The following SORCS2 variants were observed in gnomAD, a reference collection of about 807,000 sequenced individuals.
The protein encoded by SORCS2 is VPS10 domain-containing receptor SorCS2.
Under a neutral mutation model 141.6 loss-of-function variants are expected in SORCS2, and 100 were observed. The observed-to-expected ratio is 0.71, with a 90% CI of 0.60 to 0.83. The LOEUF (loss-of-function observed/expected upper bound fraction) is 0.83, where lower values mean the gene tolerates loss of function less well. Among genes scored for constraint, SORCS2 ranks in the 40% least tolerant of loss-of-function variants. The probability of loss-of-function intolerance (pLI) is 0.00; values close to 1 mark genes in which losing one functional copy is unlikely to be tolerated. For synonymous variants in SORCS2, 789 were observed against 676.9 expected (o/e 1.17, Z -2.57); for missense variants, 1,646 against 1,560.2 (o/e 1.05, Z -0.93).
chr4:7,627,896 C>T (rs1185495019), intron 3 of SORCS2, among the ~76,000 whole-genome samples: 1 of 152,212 alleles, frequency 6.6e-6, no homozygotes, highest in East Asian at 1.9e-4. Flanking sequence ...GTAGACACTG[C>T]AAGTATCAGG....
intron 1 of SORCS2, among the ~76,000 whole-genome samples, chr4:7,389,437 T>C (rs1723715624): frequency 6.6e-6 from 1 of 152,170 alleles, no homozygotes; most frequent in Admixed American, 6.5e-5. Context: ...TTCTTACAGA[T>C]TCCAGGGTCC....
chr4:7,726,272 G>A (rs1293342763), intron 20 of SORCS2, among the ~76,000 whole-genome samples: 1 of 152,206 alleles, frequency 6.6e-6, no homozygotes, highest in Admixed American at 6.5e-5. Context: ...ATGCCCGTGG[G>A]GGGCAGGCCT....
At position 7,510,972 on chromosome 4, in the gene SORCS2, A is replaced by G. The variant is rs369318575; in HGVS notation, c.549-20558A>G. Among the ~76,000 whole-genome samples the G allele has an allele frequency of 3.3e-5, 5 of 152,298 alleles. No homozygotes were observed. In the East Asian group the frequency reaches 7.7e-4, roughly 24 times the overall value. ...ACCTACCAGGGAGGTTCGAGGCCGG[A>G]ACTAGGTCCCCTGCTTTCCCTGTGG... On this transcript the variant is annotated intron_variant, in intron 2 of 26. Transcript: ENST00000507866.
At chr4:7,402,380 G>T (rs1268019262) in intron 2 of SORCS2, among the ~76,000 whole-genome samples, 1 of 152,174 alleles carries the variant, frequency 6.6e-6, no homozygotes, top group Admixed American at 6.5e-5. Context: ...TTGTCTGTCT[G>T]TATGTATATA....
chr4:7,650,520 G>T (rs1721368053), intron 4 of SORCS2, among the ~76,000 whole-genome samples: 1 of 152,234 alleles, frequency 6.6e-6, no homozygotes, highest in Non-Finnish European at 1.5e-5. Context: ...GCTGTGCACG[G>T]TGGGCGCTAG....
chr4:7,515,006 G>C (rs913174903), intron 2 of SORCS2, among the ~76,000 whole-genome samples: 1 of 152,182 alleles, frequency 6.6e-6, no homozygotes, highest in Non-Finnish European at 1.5e-5. Flanking sequence ...TGAAGGGCAT[G>C]GACAACCCAG....
chr4:7,500,979 C>G (rs539466104), intron 2 of SORCS2, among the ~76,000 whole-genome samples: 1 of 152,218 alleles, frequency 6.6e-6, no homozygotes, highest in South Asian at 2.1e-4. Flanking sequence ...CTCAAGCCAG[C>G]GTGGATCCAG....
intron 1 of SORCS2, among the ~76,000 whole-genome samples, chr4:7,382,447 A>G (rs2109072477): frequency 1.3e-5 from 2 of 152,240 alleles, no homozygotes; most frequent in Middle Eastern, 6.8e-3. Context: ...AGACAGCCCC[A>G]GGGCTGCACC....
intron 2 of SORCS2, among the ~76,000 whole-genome samples, chr4:7,441,427 G>T (rs1727656891): frequency 1.3e-5 from 2 of 152,088 alleles, no homozygotes; most frequent in South Asian, 4.1e-4. Context: ...GGTGAGGGTG[G>T]CTGGAGGCTG....
intron 2 of SORCS2, among the ~76,000 whole-genome samples, chr4:7,472,388 C>T (rs535159385): frequency 1.3e-5 from 2 of 152,094 alleles, no homozygotes; most frequent in African/African-American, 2.4e-5. Flanking sequence ...GCAAAGTGGA[C>T]GGCATGTTCC....
rs191601434 is a variant in SORCS2, at chr4:7,408,172, T to G, written c.548+11817T>G. On this transcript the variant is annotated intron_variant, in intron 2 of 26. Transcript: ENST00000507866. ...TGTCCCTAATTTTACCAATGGATTC[T>G]AAACCTTCAGGGTGTTTTTTATTTT... Among the ~76,000 whole-genome samples the G allele has an allele frequency of 1.6e-3, 237 of 152,168 alleles. 2 individuals carry two copies. The highest frequency in any genetic ancestry group is 2.5e-3 in the Non-Finnish European group (172 of 67,954).
intron 3 of SORCS2, among the ~76,000 whole-genome samples, chr4:7,575,971 G>A (rs1338275258): frequency 6.6e-6 from 1 of 152,136 alleles, no homozygotes; most frequent in Non-Finnish European, 1.5e-5. Context: ...TTTTTGAAAG[G>A]GTCGGTTGAT....
intron 1 of SORCS2, among the ~76,000 whole-genome samples, chr4:7,350,668 C>T (rs531880415): frequency 6.6e-6 from 1 of 152,356 alleles, no homozygotes; most frequent in Non-Finnish European, 1.5e-5. Context: ...GGGCAGTGAC[C>T]AGGCCCGTGG....
At chr4:7,642,985 C>A (rs556254992) in intron 4 of SORCS2, among the ~76,000 whole-genome samples, 92 of 152,306 alleles carry the variant, frequency 6.0e-4, no homozygotes, top group South Asian at 5.4e-3. Context: ...GGAGTGGACA[C>A]AATTGCCCTG....
intron 1 of SORCS2, among the ~76,000 whole-genome samples, chr4:7,249,690 G>A (rs780213858): frequency 2.6e-5 from 4 of 152,322 alleles, no homozygotes; most frequent in South Asian, 4.1e-4. Context: ...AAAGGTGGAC[G>A]GGGAAGTAAC....
chr4:7,590,301 A>G (rs1328381613), intron 3 of SORCS2, among the ~76,000 whole-genome samples: 1 of 152,206 alleles, frequency 6.6e-6, no homozygotes, highest in Non-Finnish European at 1.5e-5. Context: ...AGGGTGTTTG[A>G]TTACCGAATG....
chr4:7,531,723 C>T, intron 3 of SORCS2, 94 bp downstream of exon 3: 2 of 1,271,944 alleles, frequency 1.6e-6, no homozygotes, highest in Admixed American at 3.9e-5. Context: ...CCTGCTGTCT[C>T]CTACTTTGGC....
chr4:7,284,077 C>T (rs911297426), intron 1 of SORCS2, among the ~76,000 whole-genome samples: 1 of 152,170 alleles, frequency 6.6e-6, no homozygotes, highest in African/African-American at 2.4e-5. Context: ...ATCACAAAGT[C>T]AGAGGATCAG....
chr4:7,732,791 C>T (rs770984371), intron 23 of SORCS2, among the ~76,000 whole-genome samples: 22 of 152,252 alleles, frequency 1.4e-4, no homozygotes, highest in East Asian at 1.2e-3. Context: ...AGCCATGTCT[C>T]GGTCGCCTTT....
Sources: gnomAD v4.1 joint callset for allele counts (sites outside exome capture counted in the v4.1 genomes callset) on GRCh38, gnomAD v4.1.1 for gene constraint, MANE v1.5 for transcripts, NCBI Gene and HGNC (gene_info 2026-07-23, HGNC 2026-07-21) for gene names.